USP48: variants seen among roughly 807,000 people sequenced by gnomAD.
The protein encoded by USP48 is ubiquitin specific peptidase 48.
A neutral mutation model predicts 150.7 loss-of-function variants in USP48; 43 were observed. That is an observed-to-expected ratio of 0.29 (90% CI 0.22 to 0.37). The LOEUF is 0.37. Ranked by LOEUF, USP48 falls within the 10% of genes least tolerant of loss-of-function variation. The pLI, the probability that USP48 is intolerant of heterozygous loss-of-function variation, is 1.00. For missense variants in USP48, 813 were observed against 1,249.6 expected (o/e 0.65, Z 5.27); for synonymous variants, 396 against 425.9 (o/e 0.93, Z 0.86).
chr1:21,751,855 T>C (rs1199140328), intron 5 of USP48, among the ~76,000 whole-genome samples: 1 of 151,768 alleles, frequency 6.6e-6, no homozygotes, highest in African/African-American at 2.4e-5. Context: ...CCATCTCTAC[T>C]AAAAATACAA....
intron 10 of USP48, 102 bp downstream of exon 10, chr1:21,729,602 C>G: frequency 7.4e-7 from 1 of 1,347,798 alleles, no homozygotes. Flanking sequence ...CTTATGGAAT[C>G]AATTTATCAT....
chr1:21,773,337 C>T (rs974095089), intron 1 of USP48, among the ~76,000 whole-genome samples: 3 of 150,430 alleles, frequency 2.0e-5, no homozygotes, highest in Admixed American at 6.6e-5. Flanking sequence ...CCAGAACACA[C>T]AATTCACAGG....
chr1:21,713,866 T>C (rs1433237086), intron 15 of USP48, among the ~76,000 whole-genome samples: 2 of 152,100 alleles, frequency 1.3e-5, no homozygotes, highest in East Asian at 1.9e-4. Context: ...GGTGATACGA[T>C]GGAAAGAACA....
chr1:21,715,408 T>C lies in USP48; in HGVS notation c.1944A>G (p.Glu648=). The C allele has an allele frequency of 6.3e-7, 1 of 1,590,168 alleles. No individual in the cohort carries two copies. The highest frequency in any genetic ancestry group is 8.6e-7 in the Non-Finnish European group (1 of 1,160,220). ...RKEEEELNFN[E]DILCPHGELC... is the part of the protein sequence containing the mutation. ...GCTTACCATGTGGACACAGAATATC[T>C]TCATTAAAATTTAATTCCTCCTCTT... Residue 648 remains glutamate, a synonymous_variant, in exon 15 of 27, where the codon GAA becomes GAG. Coordinates refer to ENST00000308271, the MANE Select transcript of USP48 (RefSeq NM_032236.8).
At chr1:21,725,058 CAG>C (rs2097732674) in intron 11 of USP48, 1 of 152,310 alleles carries the variant, frequency 6.6e-6, no homozygotes, top group South Asian at 2.1e-4. Flanking sequence ...TTATACTCCC[CAG>C]AGAGTTACAT....
intron 26 of USP48, 81 bp downstream of exon 26, chr1:21,680,727 T>C: frequency 1.5e-6 from 2 of 1,360,540 alleles, no homozygotes; most frequent in Non-Finnish European, 2.0e-6. Context: ...AAATTTAAAA[T>C]CAAATTATAG....
At chr1:21,679,900 G>A (rs1212173107) in intron 26 of USP48, among the ~76,000 whole-genome samples, 6 of 152,050 alleles carry the variant, frequency 3.9e-5, no homozygotes, top group Admixed American at 6.5e-5. Flanking sequence ...CACCATGTTG[G>A]CCAGACTGGT....
intron 22 of USP48, among the ~76,000 whole-genome samples, chr1:21,697,640 G>C (rs2097640556): frequency 6.8e-6 from 1 of 146,878 alleles, no homozygotes; most frequent in South Asian, 2.1e-4. Context: ...TCCAGCCTGG[G>C]CAACAGGGCA....
In USP48 at chr1:21,679,321, G is replaced by T; in HGVS notation, c.*96C>A. 1 of 1,498,672 alleles carries T rather than the reference G, an allele frequency of 6.7e-7. No homozygotes were observed. The highest frequency in any genetic ancestry group is 9.3e-7 in the Non-Finnish European group (1 of 1,075,416). 92.8% of individuals were successfully genotyped at this position (1,498,672 alleles called of 1,614,324 possible). A position where few individuals can be genotyped will look rare whatever the true frequency, so the allele number is the denominator to read the frequency against. ...TGCCTTTTGGAAGGGGCATGTAATG[G>T]TTTAATTCTTAAATCCACCTTTGCT... On this transcript the variant is annotated 3_prime_UTR_variant, in exon 27 of 27. Coordinates refer to ENST00000308271, the MANE Select transcript of USP48 (RefSeq NM_032236.8).
Position 21,679,280 on chromosome 1 carries a change from C to G in USP48, c.*137G>C. The G allele has an allele frequency of 1.0e-6, 1 of 995,514 alleles. No individual in the cohort carries two copies. The highest frequency in any genetic ancestry group is 1.5e-6 in the Non-Finnish European group (1 of 649,320). The allele number at this position is 995,514 out of a possible 1,614,324, so 61.7% of individuals were successfully genotyped here. A position where few individuals can be genotyped will look rare whatever the true frequency, so the allele number is the denominator to read the frequency against. ...TGACATAAGGCATTTGGGACAGTCA[C>G]GTTTGAATGGATTTCTGCCTTTTGG... On this transcript the variant is annotated 3_prime_UTR_variant, in exon 27 of 27. Coordinates refer to ENST00000308271, the MANE Select transcript of USP48 (RefSeq NM_032236.8).
At chr1:21,735,473 G>A (rs927779812) in intron 9 of USP48, among the ~76,000 whole-genome samples, 6 of 152,164 alleles carry the variant, frequency 3.9e-5, no homozygotes, top group African/African-American at 7.2e-5. Flanking sequence ...CAGGTTGGCC[G>A]GGCATGATGG....
At chr1:21,763,307 T>C (rs1268074133) in intron 1 of USP48, among the ~76,000 whole-genome samples, 1 of 152,172 alleles carries the variant, frequency 6.6e-6, no homozygotes, top group Non-Finnish European at 1.5e-5. Context: ...TGACCTGTGA[T>C]AGACTACCAC....
chr1:21,753,299 C>A (rs1027909732), intron 3 of USP48, among the ~76,000 whole-genome samples, 180 bp from the exon 4 acceptor site: 9 of 151,968 alleles, frequency 5.9e-5, no homozygotes, highest in African/African-American at 2.2e-4. Context: ...TGCCTGTAAC[C>A]CCAGCACTTT....
chr1:21,771,812 G>C (rs1197752185), intron 1 of USP48, among the ~76,000 whole-genome samples: 4 of 137,604 alleles, frequency 2.9e-5, no homozygotes, highest in African/African-American at 1.1e-4. Flanking sequence ...CCAGCTGTCA[G>C]GGGGATGAGA....
At chr1:21,682,747 C>T (rs191283847) in intron 25 of USP48, among the ~76,000 whole-genome samples, 7 of 151,888 alleles carry the variant, frequency 4.6e-5, no homozygotes, top group Non-Finnish European at 7.4e-5. Context: ...TGGTGGCAGG[C>T]GCCTGTAGTC....
At chr1:21,781,292 A>G (rs2152664382) in intron 1 of USP48, among the ~76,000 whole-genome samples, 1 of 151,964 alleles carries the variant, frequency 6.6e-6, no homozygotes, top group South Asian at 2.1e-4. Flanking sequence ...AAAAAAAATT[A>G]GCCGGGCATG....
Position 21,728,548 on chromosome 1 carries a change from T to C in USP48, c.1450+22A>G, listed in dbSNP as rs1274113216. ...ACAAGGCACTTAATGGCAACAGTGCTGTCCCAGAATATCTTACAGACCAGC... is the reference window on the plus strand; with the variant it reads ...ACAAGGCACTTAATGGCAACAGTGCCGTCCCAGAATATCTTACAGACCAGC... On this transcript the variant is annotated intron_variant, in intron 11 of 26. Coordinates refer to ENST00000308271, the MANE Select transcript of USP48 (RefSeq NM_032236.8). The C allele has an allele frequency of 1.9e-6, 3 of 1,608,398 alleles. No individual in the cohort carries two copies. In the Admixed American group the frequency reaches 5.1e-5, roughly 27 times the overall value.
At chr1:21,764,592 A>G (rs760800812) in intron 1 of USP48, among the ~76,000 whole-genome samples, 15 of 149,244 alleles carry the variant, frequency 1.0e-4, no homozygotes, top group Non-Finnish European at 1.8e-4. Context: ...TTGTAATCCC[A>G]GCTACTCTGG....
At position 21,678,523 on chromosome 1, in the gene USP48, G is replaced by A. The variant is rs561088332; in HGVS notation, c.*894C>T. Reference sequence around the variant, plus strand: ...ACTGAGGTCCAAGAAACAGTGACATGGAGGACAGGAAGAACAAATTTTATA... The same window carrying A: ...ACTGAGGTCCAAGAAACAGTGACATAGAGGACAGGAAGAACAAATTTTATA... On this transcript the variant is annotated 3_prime_UTR_variant, in exon 27 of 27. Coordinates refer to ENST00000308271, the MANE Select transcript of USP48 (RefSeq NM_032236.8). 1.3e-5 allele frequency: 2 copies of A among 152,258 alleles called. No homozygotes were observed. The highest frequency in any genetic ancestry group is 4.1e-4 in the South Asian group (2 of 4,822). The allele number at this position is 152,258 out of a possible 1,614,324, so 9.4% of individuals were successfully genotyped here.
Sources: gnomAD v4.1 joint callset for allele counts (sites outside exome capture counted in the v4.1 genomes callset) on GRCh38, gnomAD v4.1.1 for gene constraint, MANE v1.5 for transcripts, NCBI Gene and HGNC (gene_info 2026-07-23, HGNC 2026-07-21) for gene names.